The following ANKRD36C variants were observed in gnomAD, a reference collection of about 807,000 sequenced individuals.
ANKRD36C encodes ankyrin repeat domain 36C.
Under a neutral mutation model 276.4 loss-of-function variants are expected in ANKRD36C, and 61 were observed. That is an observed-to-expected ratio of 0.22 (90% CI 0.18 to 0.27). The LOEUF is 0.27. Ranked by LOEUF, ANKRD36C falls within the 10% of genes least tolerant of loss-of-function variation. The pLI is 1.00. For synonymous variants in ANKRD36C, 483 were observed against 680.1 expected, an observed-to-expected ratio of 0.71 and a Z score of 4.51; for missense variants, 1,447 against 2,032.3, an observed-to-expected ratio of 0.71 and a Z score of 5.54.
At chr2:95,910,845 C>T (rs1327839391) in intron 42 of ANKRD36C, among the ~76,000 whole-genome samples, 1 of 151,378 alleles carries the variant, frequency 6.6e-6, no homozygotes, top group Admixed American at 6.6e-5. Flanking sequence ...CGTGCATAGG[C>T]CAAGTGATGA....
At chr2:95,890,967 C>T (rs942266452) in intron 46 of ANKRD36C, among the ~76,000 whole-genome samples, 1 of 151,408 alleles carries the variant, frequency 6.6e-6, no homozygotes. Flanking sequence ...TTTATAACTA[C>T]AATCAACAAA....
intron 16 of ANKRD36C, among the ~76,000 whole-genome samples, chr2:95,948,847 C>T (rs996280917): frequency 6.6e-6 from 1 of 152,050 alleles, no homozygotes; most frequent in Admixed American, 6.6e-5. Context: ...GCAGACTCAC[C>T]CTTAAACCCA....
intron 46 of ANKRD36C, 103 bp from the exon 67 acceptor site, chr2:95,890,097 T>C (rs781536637): frequency 1.7e-5 from 25 of 1,435,842 alleles, no homozygotes; most frequent in Middle Eastern, 4.9e-4. Context: ...CTGCCTGTAT[T>C]AGTGTAGGCT....
chr2:95,911,789 C>T (rs1023072652), intron 42 of ANKRD36C, among the ~76,000 whole-genome samples: 4 of 151,380 alleles, frequency 2.6e-5, no homozygotes, highest in African/African-American at 9.7e-5. Flanking sequence ...CCTCACAATC[C>T]GTCTTCATTC....
intron 4 of ANKRD36C, 101 bp downstream of exon 4, chr2:95,982,151 AAGTT>A (rs1573818944): frequency 1.2e-6 from 1 of 844,554 alleles, no homozygotes; most frequent in African/African-American, 1.7e-5. Flanking sequence ...CAATAATTAA[AAGTT>A]AGTCTTCTTA....
intron 18 of ANKRD36C, 51 bp from the exon 19 acceptor site, chr2:95,944,745 C>T (rs1558650568): frequency 1.3e-6 from 2 of 1,528,366 alleles, no homozygotes; most frequent in East Asian, 2.4e-5. Context: ...AATTAAGAAT[C>T]AGTAAATAAG....
chr2:95,927,495 T>C, intron 26 of ANKRD36C, 86 bp from the exon 27 acceptor site: 1 of 1,584,414 alleles, frequency 6.3e-7, no homozygotes, highest in Middle Eastern at 2.3e-4. Flanking sequence ...CATCAAACTA[T>C]ATCTTCCTGC....
intron 36 of ANKRD36C, among the ~76,000 whole-genome samples, chr2:95,916,643 C>T (rs969415422): frequency 1.8e-4 from 28 of 151,598 alleles, no homozygotes; most frequent in African/African-American, 6.3e-4. Context: ...TTCCGATGAC[C>T]CTTCAGTTGA....
At chr2:95,964,081 T>G (rs1294736451) in intron 6 of ANKRD36C, among the ~76,000 whole-genome samples, 1 of 143,556 alleles carries the variant, frequency 7.0e-6, no homozygotes, top group African/African-American at 2.6e-5. Flanking sequence ...ATACATTCTT[T>G]TATTACTTTG....
intron 5 of ANKRD36C, among the ~76,000 whole-genome samples, chr2:95,979,123 C>A (rs1170716743): frequency 6.6e-6 from 1 of 152,002 alleles, no homozygotes. Flanking sequence ...ATTTACACAA[C>A]ACCCCATGTG....
intron 24 of ANKRD36C, among the ~76,000 whole-genome samples, chr2:95,931,302 C>A (rs1342116664): frequency 1.3e-5 from 2 of 151,038 alleles, no homozygotes; most frequent in Non-Finnish European, 3.0e-5. Flanking sequence ...CTGTTCTTCA[C>A]TCACATCGGT....
Position 95,880,500 on chromosome 2 carries a change from C to T in ANKRD36C, c.3397-1G>A. 1 of 1,550,154 alleles carries T rather than the reference C, an allele frequency of 6.5e-7. No individual in the cohort carries two copies. The highest frequency in any genetic ancestry group is 8.7e-7 in the Non-Finnish European group (1 of 1,147,048). On this transcript the variant is annotated splice_acceptor_variant, in intron 57 of 66. Coordinates refer to ENST00000456556, the Ensembl canonical transcript of ANKRD36C. LOFTEE classifies it high-confidence loss of function. ...CAGAATTTTTATTTTCAATTGTAGC[C>T]TGAATGGGTTTTAAAACAAAGTGAT...
chr2:95,963,942 TAA>T (rs1558658534), intron 6 of ANKRD36C, among the ~76,000 whole-genome samples: 91 of 114,282 alleles, frequency 8.0e-4, no homozygotes, highest in African/African-American at 2.6e-3. Flanking sequence ...TATACATATA[TAA>T]ATATATATAT....
At chr2:95,879,511 G>A (rs34233881) in intron 58 of ANKRD36C, among the ~76,000 whole-genome samples, 68,786 of 146,920 alleles carry the variant, frequency 0.47, 17,394 homozygotes, top group East Asian at 0.69. Flanking sequence ...ATTAACCATG[G>A]TGTCATTATT....
intron 16 of ANKRD36C, among the ~76,000 whole-genome samples, chr2:95,949,948 A>G (rs1678154681): frequency 6.6e-6 from 1 of 152,308 alleles, no homozygotes; most frequent in African/African-American, 2.4e-5. Context: ...AAGTAAAAAG[A>G]AATCAAGAAA....
At chr2:95,891,724 T>C in exon 46 of ANKRD36C, 2 of 1,582,002 alleles carry the variant, frequency 1.3e-6, no homozygotes, top group Non-Finnish European at 1.7e-6. Context: ...AGAATCTTTC[T>C]CGTCACTTGT....
intron 44 of ANKRD36C, 102 bp from the exon 59 acceptor site, chr2:95,897,567 T>C (rs1676590891): frequency 1.4e-6 from 2 of 1,450,242 alleles, no homozygotes; most frequent in Non-Finnish European, 9.4e-7. Context: ...CCTGCCTGTA[T>C]TAGCGTAGGC....
intron 59 of ANKRD36C, among the ~76,000 whole-genome samples, chr2:95,868,520 TTGTC>T (rs1227707237): frequency 1.3e-5 from 2 of 151,670 alleles, no homozygotes; most frequent in Non-Finnish European, 2.9e-5. Context: ...AAAATTTTCC[TTGTC>T]TGAGTTAAAA....
intron 46 of ANKRD36C, among the ~76,000 whole-genome samples, chr2:95,891,072 C>T (rs1254385272): frequency 6.6e-6 from 1 of 151,368 alleles, no homozygotes; most frequent in Non-Finnish European, 1.5e-5. Flanking sequence ...CCAGTAGTTC[C>T]TGGAGCAGCC....
Sources: gnomAD v4.1 joint callset for allele counts (sites outside exome capture counted in the v4.1 genomes callset) on GRCh38, gnomAD v4.1.1 for gene constraint, MANE v1.5 for transcripts, NCBI Gene and HGNC (gene_info 2026-07-23, HGNC 2026-07-21) for gene names.